CHRNB4: variants seen among roughly 807,000 people sequenced by gnomAD.
CHRNB4 encodes the protein cholinergic receptor nicotinic beta 4 subunit, also known as neuronal acetylcholine receptor subunit beta-4.
In CHRNB4, 23 loss-of-function variants were observed where a neutral mutation model predicts 40.4. That is an observed-to-expected ratio of 0.57 (90% CI 0.41 to 0.81). CHRNB4 has a LOEUF of 0.81. Among genes scored for constraint, CHRNB4 ranks in the 30% least tolerant of loss-of-function variants. The probability of loss-of-function intolerance (pLI) is 0.00; values close to 1 mark genes in which losing one functional copy is unlikely to be tolerated. For synonymous variants in CHRNB4, 285 were observed against 274.4 expected, an observed-to-expected ratio of 1.04 and a Z score of -0.38; for missense variants, 568 against 670.6, an observed-to-expected ratio of 0.85 and a Z score of 1.69.
chr15:78,641,272 G>C, upstream of CHRNB4: 1 of 620,328 alleles, frequency 1.6e-6, no homozygotes. Flanking sequence ...ACCCCGCGGA[G>C]AGCCCCGCCG....
Position 78,631,347 on chromosome 15 carries a change from G to C in CHRNB4, c.205-15C>G. ...TCTCGCTCATTCTGGGGAGGGAAACGGGGCTATCAGTTCACCAGGAAGGAG... is the reference window on the plus strand; with the variant it reads ...TCTCGCTCATTCTGGGGAGGGAAACCGGGCTATCAGTTCACCAGGAAGGAG... On this transcript the variant is annotated splice_polypyrimidine_tract_variant and intron_variant, in intron 2 of 5. Transcript: ENST00000261751. The C allele has an allele frequency of 6.2e-7, 1 of 1,612,380 alleles. No homozygotes were observed. Among genetic ancestry groups the C allele is most frequent in the Non-Finnish European group, 8.5e-7 (1 of 1,179,632 alleles).
At chr15:78,634,177 G>A (rs1695251744) in intron 2 of CHRNB4, among the ~76,000 whole-genome samples, 1 of 152,200 alleles carries the variant, frequency 6.6e-6, no homozygotes, top group African/African-American at 2.4e-5. Context: ...TTGCATGGGT[G>A]GGGGCTGGTG....
intron 7 of CHRNB4, among the ~76,000 whole-genome samples, chr15:78,647,576 G>C (rs1301708509): frequency 2.6e-5 from 4 of 151,578 alleles, no homozygotes; most frequent in Non-Finnish European, 5.9e-5. Context: ...GCCGGGTGCA[G>C]TGGCTCACGC....
At position 78,660,156 on chromosome 15, in the gene CHRNB4, G is replaced by C. The variant is rs112197713; in HGVS notation, c.-851+356C>G. Among the ~76,000 whole-genome samples the C allele has an allele frequency of 3.4e-4, 51 of 151,134 alleles. No homozygotes were observed. The South Asian group carries it at 0.01, about 31-fold the overall frequency. On this transcript the variant is annotated intron_variant and NMD_transcript_variant, in intron 1 of 11. Transcript: ENST00000559849. The stretch of plus-strand genomic sequence containing the variant: ...TGGAAGGCAGAAGCTGTAGTGAGTC[G>C]AGATCACGCCACTGCACTCCAGCCT...
chr15:78,660,123 C>T lies in CHRNB4; in HGVS notation c.-851+389G>A, dbSNP rs145368744. On this transcript the variant is annotated intron_variant and NMD_transcript_variant, in intron 1 of 11. Transcript: ENST00000559849. ...TCAGGAGGCTAAGGCAGAAAAATTGCTTGAACCTGGAAGGCAGAAGCTGTA... is the reference window on the plus strand; with the variant it reads ...TCAGGAGGCTAAGGCAGAAAAATTGTTTGAACCTGGAAGGCAGAAGCTGTA... 3.2e-3 allele frequency among the ~76,000 whole-genome samples: 488 copies of T among 151,606 alleles called. 5 individuals are homozygous for T. Among genetic ancestry groups the T allele is most frequent in the East Asian group, 0.031 (159 of 5,164 alleles).
chr15:78,655,756 AAAAG>A (rs1418775934), intron 4 of CHRNB4: 1 of 152,174 alleles, frequency 6.6e-6, no homozygotes, highest in Non-Finnish European at 1.5e-5. Flanking sequence ...AATTCTGAAA[AAAAG>A]AAACACAACA....
At chr15:78,646,624 T>A (rs1340616845) in intron 7 of CHRNB4, among the ~76,000 whole-genome samples, 2 of 152,140 alleles carry the variant, frequency 1.3e-5, no homozygotes, top group Non-Finnish European at 2.9e-5. Flanking sequence ...TCTTTTTGTA[T>A]CCTCACATGG....
intron 4 of CHRNB4, among the ~76,000 whole-genome samples, chr15:78,630,236 T>G (rs1748370492): frequency 1.3e-5 from 2 of 151,896 alleles, no homozygotes; most frequent in South Asian, 4.2e-4. Flanking sequence ...CCTCCCAGGT[T>G]CAAGCAGTTC....
upstream of CHRNB4, among the ~76,000 whole-genome samples, chr15:78,643,313 G>A (rs980485979): frequency 6.6e-6 from 1 of 152,048 alleles, no homozygotes; most frequent in Non-Finnish European, 1.5e-5. Flanking sequence ...GGAGTGGTGG[G>A]ATCTTGGCTC....
intron 5 of CHRNB4, chr15:78,626,591 G>A (rs2053666408): frequency 6.6e-6 from 1 of 152,216 alleles, no homozygotes; most frequent in Admixed American, 6.5e-5. Context: ...AAACTAGGAA[G>A]GGCAAGAAAG....
At chr15:78,648,909 G>A (rs2054149358) in intron 7 of CHRNB4, among the ~76,000 whole-genome samples, 1 of 152,022 alleles carries the variant, frequency 6.6e-6, no homozygotes, top group African/African-American at 2.4e-5. Flanking sequence ...CTCCCAAGTA[G>A]CTGAGACCAC....
chr15:78,654,361 A>G (rs2054195657), intron 5 of CHRNB4, among the ~76,000 whole-genome samples: 1 of 152,212 alleles, frequency 6.6e-6, no homozygotes. Flanking sequence ...CACCTTAAAC[A>G]ATAACAATGA....
At chr15:78,626,341 G>T (rs112472459) in intron 5 of CHRNB4, 267 of 74,382 alleles carry the variant, frequency 3.6e-3, no homozygotes, top group East Asian at 1.0e-2. Flanking sequence ...TTCAAGCGGG[G>T]GTGTGTGTGT....
intron 2 of CHRNB4, among the ~76,000 whole-genome samples, chr15:78,633,477 A>G (rs1188688876): frequency 6.6e-6 from 1 of 152,200 alleles, no homozygotes; most frequent in African/African-American, 2.4e-5. Flanking sequence ...CAAATTCCAC[A>G]TTCCAGGCTG....
At chr15:78,653,155 T>C (rs939771808) in intron 5 of CHRNB4, among the ~76,000 whole-genome samples, 8 of 152,190 alleles carry the variant, frequency 5.3e-5, no homozygotes, top group African/African-American at 1.4e-4. Context: ...CAGTAGGTGC[T>C]TAATAGTGGC....
In CHRNB4 at chr15:78,630,222, T is replaced by C. The variant is rs146134340; in HGVS notation, c.360-277A>G. On this transcript the variant is annotated intron_variant, in intron 4 of 5. Transcript: ENST00000261751. ...GGTGCAATCTCGGCTCACTGCAACC[T>C]CTGCCTCCCAGGTTCAAGCAGTTCT... 6.1e-3 allele frequency among the ~76,000 whole-genome samples: 921 copies of C among 150,186 alleles called. 9 individuals carry two copies. The highest frequency in any genetic ancestry group is 0.021 in the African/African-American group (861 of 40,828).
chr15:78,641,331 C>G, upstream of CHRNB4: 1 of 498,174 alleles, frequency 2.0e-6, no homozygotes. Flanking sequence ...CGCCCCGACG[C>G]CCCCTGGGTG....
At position 78,624,666 on chromosome 15, in the gene CHRNB4, C is replaced by T. The variant is rs1281637204; in HGVS notation, c.*467G>A. ...GTTGAGGCAGGAGAATCACTTGAGC[C>T]TGGGCGATATAGCAAGACTCCGTTT... is the stretch of plus-strand genomic sequence containing the variant. On this transcript the variant is annotated 3_prime_UTR_variant, in exon 6 of 6. Coordinates refer to ENST00000261751, the MANE Select transcript of CHRNB4 (RefSeq NM_000750.5). 3 of 278,908 alleles carry T rather than the reference C, an allele frequency of 1.1e-5. No homozygotes were observed. The highest frequency in any genetic ancestry group is 6.5e-5 in the African/African-American group (3 of 45,840). The allele number at this position is 278,908 out of a possible 1,614,324, so 17.3% of individuals were successfully genotyped here. A position where few individuals can be genotyped will look rare whatever the true frequency, so the allele number is the denominator to read the frequency against.
At chr15:78,657,488 A>C (rs2054224343) in intron 2 of CHRNB4, 1 of 152,198 alleles carries the variant, frequency 6.6e-6, no homozygotes, top group Non-Finnish European at 1.5e-5. Flanking sequence ...GTTTTGAAGA[A>C]AGTTAACTCC....
Sources: allele counts gnomAD v4.1 joint callset (sites outside exome capture counted in the v4.1 genomes callset), GRCh38; gene constraint gnomAD v4.1.1; transcripts MANE v1.5; gene names NCBI Gene and HGNC (gene_info 2026-07-23, HGNC 2026-07-21).